NKAIN2: variants seen among roughly 807,000 people sequenced by gnomAD.
The protein encoded by NKAIN2 is sodium/potassium-transporting ATPase subunit beta-1-interacting protein 2.
In NKAIN2, 14 loss-of-function variants were observed where a neutral mutation model predicts 32.6. The observed-to-expected ratio is 0.43, with a 90% CI of 0.28 to 0.67. The LOEUF is 0.67. Ranked by LOEUF, NKAIN2 falls within the 30% of genes least tolerant of loss-of-function variation. NKAIN2 has a pLI of 0.17. For missense variants in NKAIN2, 198 were observed against 258.3 expected, an observed-to-expected ratio of 0.77 and a Z score of 1.60; for synonymous variants, 80 against 87.2, an observed-to-expected ratio of 0.92 and a Z score of 0.46.
intron 1 of NKAIN2, among the ~76,000 whole-genome samples, chr6:124,025,989 T>C (rs1159225833): frequency 6.6e-6 from 1 of 152,122 alleles, no homozygotes; most frequent in African/African-American, 2.4e-5. Flanking sequence ...GCCCTGTACC[T>C]GGGATGGAAG....
chr6:123,931,380 A>G (rs1372270124), intron 1 of NKAIN2, among the ~76,000 whole-genome samples: 1 of 152,118 alleles, frequency 6.6e-6, no homozygotes, highest in East Asian at 1.9e-4. Context: ...TGAAAAATGT[A>G]TGTGGTACTC....
chr6:124,615,293 A>G (rs112591693), intron 3 of NKAIN2, among the ~76,000 whole-genome samples: 36 of 152,312 alleles, frequency 2.4e-4, no homozygotes, highest in Middle Eastern at 6.8e-3. Flanking sequence ...ATCATAAACT[A>G]TTTAGAAAAA....
chr6:123,963,747 A>G (rs1435418287), intron 1 of NKAIN2, among the ~76,000 whole-genome samples: 1 of 152,172 alleles, frequency 6.6e-6, no homozygotes, highest in Non-Finnish European at 1.5e-5. Context: ...TTCCAAAACA[A>G]TCCGTCTGAA....
chr6:124,500,992 A>G (rs890280689), intron 3 of NKAIN2, among the ~76,000 whole-genome samples: 3 of 152,236 alleles, frequency 2.0e-5, no homozygotes, highest in African/African-American at 7.2e-5. Context: ...AAGATGCTAA[A>G]TAACAGAAGA....
intron 3 of NKAIN2, among the ~76,000 whole-genome samples, chr6:124,574,605 C>T (rs1266217003): frequency 6.6e-6 from 1 of 152,004 alleles, no homozygotes; most frequent in East Asian, 1.9e-4. Flanking sequence ...GGCGACAGAG[C>T]AAGACTCTGT....
At chr6:124,314,115 T>G (rs1796838739) in intron 2 of NKAIN2, among the ~76,000 whole-genome samples, 1 of 152,084 alleles carries the variant, frequency 6.6e-6, no homozygotes, top group African/African-American at 2.4e-5. Flanking sequence ...GTGGATTGGC[T>G]GCCAGAGGCC....
At chr6:124,079,777 T>C (rs933101209) in intron 1 of NKAIN2, among the ~76,000 whole-genome samples, 1 of 152,086 alleles carries the variant, frequency 6.6e-6, no homozygotes, top group African/African-American at 2.4e-5. Context: ...GCTAAGCCTG[T>C]AGCACTAGGG....
At chr6:124,385,448 C>T (rs944692602) in intron 3 of NKAIN2, among the ~76,000 whole-genome samples, 3 of 152,152 alleles carry the variant, frequency 2.0e-5, no homozygotes, top group Middle Eastern at 3.4e-3. Context: ...TTATAACCAC[C>T]CCAAATGCAC....
chr6:124,589,690 T>C (rs1483269580), intron 3 of NKAIN2, among the ~76,000 whole-genome samples: 1 of 152,228 alleles, frequency 6.6e-6, no homozygotes, highest in Non-Finnish European at 1.5e-5. Context: ...CTTTAAGTTC[T>C]GGGATACATG....
At chr6:124,460,895 C>T (rs1452077167) in intron 3 of NKAIN2, among the ~76,000 whole-genome samples, 3 of 151,492 alleles carry the variant, frequency 2.0e-5, no homozygotes, top group Admixed American at 6.6e-5. Context: ...AACTTAACCA[C>T]ACTTATTTCC....
intron 3 of NKAIN2, among the ~76,000 whole-genome samples, chr6:124,409,150 T>C (rs973473855): frequency 6.6e-6 from 1 of 152,316 alleles, no homozygotes; most frequent in African/African-American, 2.4e-5. Context: ...CAGGGACAAT[T>C]TGACTTCCTC....
intron 4 of NKAIN2, among the ~76,000 whole-genome samples, chr6:124,779,074 A>G (rs1309818066): frequency 6.6e-6 from 1 of 151,952 alleles, no homozygotes; most frequent in Non-Finnish European, 1.5e-5. Context: ...CCTCTCTACT[A>G]AAAAATTATA....
chr6:123,901,797 GT>G (rs1487690459), intron 1 of NKAIN2, among the ~76,000 whole-genome samples: 7 of 151,948 alleles, frequency 4.6e-5, no homozygotes, highest in Admixed American at 2.6e-4. Context: ...TGACACAAGA[GT>G]TTCCACAATA....
Position 124,127,954 on chromosome 6 carries a change from G to A in NKAIN2, c.55-155051G>A, listed in dbSNP as rs555748200. ...TGATTCTCCTACCTCACACTCCCAA[G>A]TAGCTGGGATTATAGGCAAGTGCCA... is the stretch of plus-strand genomic sequence containing the variant. On this transcript the variant is annotated intron_variant, in intron 1 of 6. Coordinates refer to ENST00000368417, the MANE Select transcript of NKAIN2 (RefSeq NM_001040214.3). Among the ~76,000 whole-genome samples the A allele has an allele frequency of 2.4e-4, 37 of 152,220 alleles. 1 individual carries two copies. Among genetic ancestry groups the A allele is most frequent in the African/African-American group, 8.7e-4 (36 of 41,522 alleles).
chr6:124,501,295 C>G (rs999556898), intron 3 of NKAIN2, among the ~76,000 whole-genome samples: 1 of 151,986 alleles, frequency 6.6e-6, no homozygotes, highest in African/African-American at 2.4e-5. Context: ...TTTTTTCATT[C>G]AATAAATGAG....
intron 3 of NKAIN2, among the ~76,000 whole-genome samples, chr6:124,356,760 G>A (rs926626924): frequency 6.6e-6 from 1 of 152,090 alleles, no homozygotes; most frequent in Admixed American, 6.5e-5. Flanking sequence ...TGAATTCCTT[G>A]CCCAATTTAT....
intron 1 of NKAIN2, among the ~76,000 whole-genome samples, chr6:124,243,665 G>A (rs964849230): frequency 6.6e-6 from 1 of 152,010 alleles, no homozygotes; most frequent in African/African-American, 2.4e-5. Flanking sequence ...GTAATTATGT[G>A]TGGAAAACTG....
intron 2 of NKAIN2, among the ~76,000 whole-genome samples, chr6:124,326,248 C>T (rs72965806): frequency 0.089 from 13,347 of 149,382 alleles, 1,043 homozygotes; most frequent in East Asian, 0.26. Context: ...TATTAGAATG[C>T]ACTTTTTACT....
intron 4 of NKAIN2, among the ~76,000 whole-genome samples, chr6:124,710,885 G>T (rs1459255186): frequency 2.7e-5 from 4 of 150,616 alleles, no homozygotes; most frequent in Non-Finnish European, 5.9e-5. Flanking sequence ...GATGTTAGCT[G>T]CTTATTTTGC....
Sources: gnomAD v4.1 joint callset for allele counts (sites outside exome capture counted in the v4.1 genomes callset) on GRCh38, gnomAD v4.1.1 for gene constraint, MANE v1.5 for transcripts, NCBI Gene and HGNC (gene_info 2026-07-23, HGNC 2026-07-21) for gene names.